SLC35D1: variants seen among roughly 807,000 people sequenced by gnomAD.
SLC35D1 encodes the protein solute carrier family 35 member D1.
Under a neutral mutation model 46.7 loss-of-function variants are expected in SLC35D1, and 31 were observed. That is an observed-to-expected ratio of 0.66 (90% CI 0.50 to 0.90). The LOEUF is 0.90. Ranked by LOEUF, SLC35D1 falls within the 40% of genes least tolerant of loss-of-function variation. SLC35D1 has a pLI of 0.00. For missense variants in SLC35D1, 397 were observed against 426.2 expected (o/e 0.93, Z 0.60); for synonymous variants, 195 against 164.6 (o/e 1.18, Z -1.41).
intron 7 of SLC35D1, among the ~76,000 whole-genome samples, chr1:67,046,860 A>G (rs1645257213): frequency 6.6e-6 from 1 of 152,186 alleles, no homozygotes; most frequent in African/African-American, 2.4e-5. Context: ...GCAAATACAT[A>G]AAGGCCATTT....
chr1:66,996,536 A>C (rs1001730626), downstream of SLC35D1, among the ~76,000 whole-genome samples: 7 of 152,110 alleles, frequency 4.6e-5, no homozygotes, highest in Non-Finnish European at 5.9e-5. Context: ...TCTGAGCTTC[A>C]CCTGTAGATG....
In SLC35D1 at chr1:67,053,069, G is replaced by A; in HGVS notation, c.204-80C>T. On this transcript the variant is annotated intron_variant, in intron 1 of 11. Transcript: ENST00000235345. ...TGAATTCAATTTGCACATCGGCAAC[G>A]TTAATAAGGCATTCCGATACAAGCC... 6.7e-6 allele frequency: 10 copies of A among 1,484,704 alleles called. 1 individual carries two copies. The South Asian group carries it at 1.2e-4, about 17-fold the overall frequency. 92.0% of individuals were successfully genotyped at this position (1,484,704 alleles called of 1,614,324 possible).
In SLC35D1 at chr1:67,003,893, A is replaced by C. The variant is rs1259056979; in HGVS notation, c.*447T>G. ...AATCATAAGAAATAAGATTCAAAGA[A>C]GAGAAATTTCACATATTCGTCTGCA... On this transcript the variant is annotated 3_prime_UTR_variant, in exon 12 of 12. Transcript: ENST00000235345. The C allele has an allele frequency of 4.9e-6, 1 of 205,944 alleles. No individual in the cohort carries two copies. The highest frequency in any genetic ancestry group is 1.2e-4 in the East Asian group (1 of 8,284). 12.8% of individuals were successfully genotyped at this position (205,944 alleles called of 1,614,324 possible).
Position 67,000,388 on chromosome 1 carries a change from T to C in SLC35D1, c.*3952A>G, listed in dbSNP as rs1266367528. 1 of 152,208 alleles carries C rather than the reference T, an allele frequency of 6.6e-6. No individual in the cohort carries two copies. The highest frequency in any genetic ancestry group is 1.5e-5 in the Non-Finnish European group (1 of 68,008). 9.4% of individuals were successfully genotyped at this position (152,208 alleles called of 1,614,324 possible). A position where few individuals can be genotyped will look rare whatever the true frequency, so the allele number is the denominator to read the frequency against. Reference sequence around the variant, plus strand: ...TCACAATATAAAAGAAATTTTGTTCTTTTTAAAAAATAGGTAGAATCACCT... The same window carrying C: ...TCACAATATAAAAGAAATTTTGTTCCTTTTAAAAAATAGGTAGAATCACCT... On this transcript the variant is annotated 3_prime_UTR_variant, in exon 12 of 12. Coordinates refer to ENST00000235345, the MANE Select transcript of SLC35D1 (RefSeq NM_015139.3).
intron 10 of SLC35D1, among the ~76,000 whole-genome samples, chr1:67,020,051 G>A (rs145465868): frequency 6.6e-6 from 1 of 152,274 alleles, no homozygotes; most frequent in Non-Finnish European, 1.5e-5. Context: ...CTCATTAGGG[G>A]TTAAAGGGAC....
Position 67,036,803 on chromosome 1 carries a change from G to C in SLC35D1, c.729+5433C>G, listed in dbSNP as rs554222332. Among the ~76,000 whole-genome samples, 3 of 151,344 alleles carry C rather than the reference G, an allele frequency of 2.0e-5. No individual in the cohort carries two copies. In the East Asian group the frequency reaches 5.9e-4, roughly 30 times the overall value. On this transcript the variant is annotated intron_variant, in intron 8 of 11. Coordinates refer to ENST00000235345, the MANE Select transcript of SLC35D1 (RefSeq NM_015139.3). ...TTACATTCAATATTATTACTGTTAA[G>C]TAAGGATTTGCTCCTGCCCACTTTG...
chr1:66,995,433 T>TAAAAAAAAAAAAAAAAAAAAAAAAC (rs1667228219), downstream of SLC35D1, among the ~76,000 whole-genome samples: 1 of 35,758 alleles, frequency 2.8e-5, no homozygotes. Flanking sequence ...CCTGCTACGC[T>TAAAAAAAAAAAAAAAAAAAAAAAAC]AAAAAAAAAA....
downstream of SLC35D1, among the ~76,000 whole-genome samples, chr1:66,995,144 C>A (rs80002042): frequency 2.1e-3 from 321 of 152,190 alleles, no homozygotes; most frequent in African/African-American, 7.5e-3. Flanking sequence ...CAGTCATCCA[C>A]GCAGCAATCC....
rs1297360424 is a variant in SLC35D1, at chr1:67,053,824, G to C, written c.190C>G (p.Leu64Val). ...FLIVVVNKSV[L>V]TNYRFPSSLC... ...CCTCGGCCCTACCTGTAATTGGTGA[G>C]CACGCTCTTATTCACCACCACGATC... is the stretch of plus-strand genomic sequence containing the variant. The change falls in exon 1 of 12, where the codon CTC (leucine) becomes GTC (valine). Residue 64 changes from leucine to valine, a missense_variant. Coordinates refer to ENST00000235345, the MANE Select transcript of SLC35D1 (RefSeq NM_015139.3). 5.0e-6 allele frequency: 8 copies of C among 1,611,362 alleles called. No individual in the cohort carries two copies. In the South Asian group the frequency reaches 6.6e-5, roughly 13 times the overall value.
chr1:67,052,622 T>G, intron 3 of SLC35D1, 149 bp downstream of exon 3: 1 of 724,462 alleles, frequency 1.4e-6, no homozygotes, highest in Non-Finnish European at 2.3e-6. Flanking sequence ...TTGACACATA[T>G]TACTACTTTT....
intron 7 of SLC35D1, among the ~76,000 whole-genome samples, chr1:67,043,303 C>T (rs1169412562): frequency 6.6e-6 from 1 of 151,924 alleles, no homozygotes; most frequent in African/African-American, 2.4e-5. Context: ...GAGTTCAAGG[C>T]TGCAGTGAGC....
intron 3 of SLC35D1, 31 bp from the exon 4 acceptor site, chr1:67,052,110 C>T (rs766208462): frequency 1.4e-6 from 2 of 1,426,564 alleles, no homozygotes. Flanking sequence ...TAACAAAACT[C>T]AATAATAAAG....
intron 8 of SLC35D1, among the ~76,000 whole-genome samples, chr1:67,024,007 C>T (rs1272697980): frequency 1.3e-5 from 2 of 150,602 alleles, no homozygotes; most frequent in South Asian, 2.1e-4. Context: ...TGCAGTGGCA[C>T]GAACTCGGCT....
rs772747267 is a variant in SLC35D1, at chr1:67,018,951, CA to C, written c.876+1417del. 2.0e-5 allele frequency among the ~76,000 whole-genome samples: 3 copies of C among 152,278 alleles called. No individual in the cohort carries two copies. In the South Asian group the frequency reaches 6.2e-4, roughly 32 times the overall value. On this transcript the variant is annotated intron_variant, in intron 10 of 11. Coordinates refer to ENST00000235345, the MANE Select transcript of SLC35D1 (RefSeq NM_015139.3). ...CAAGAACAGTAGTGAACTAATCAGA[CA>C]ATTCAGTTTTTGCCTCCCTGTGGAG...
intron 11 of SLC35D1, among the ~76,000 whole-genome samples, chr1:67,004,732 A>G (rs1181160544): frequency 2.6e-5 from 4 of 152,238 alleles, no homozygotes; most frequent in African/African-American, 9.6e-5. Flanking sequence ...ATGAGTATGT[A>G]TATCAATATG....
chr1:66,998,746 C>T (rs1221313776), downstream of SLC35D1, among the ~76,000 whole-genome samples: 1 of 152,120 alleles, frequency 6.6e-6, no homozygotes, highest in African/African-American at 2.4e-5. Context: ...CACAAAAAGA[C>T]AAATATGGTA....
intron 10 of SLC35D1, among the ~76,000 whole-genome samples, chr1:67,011,788 C>T (rs1667571238): frequency 6.6e-6 from 1 of 152,140 alleles, no homozygotes; most frequent in African/African-American, 2.4e-5. Context: ...CCCACCCATA[C>T]AGCCACAGAG....
chr1:67,014,529 T>C (rs997502116), intron 10 of SLC35D1, among the ~76,000 whole-genome samples: 1 of 152,058 alleles, frequency 6.6e-6, no homozygotes, highest in Non-Finnish European at 1.5e-5. Flanking sequence ...GTCTACATAA[T>C]ATCAAATTAA....
intron 8 of SLC35D1, among the ~76,000 whole-genome samples, chr1:67,023,907 T>C (rs1667863698): frequency 6.6e-6 from 1 of 151,864 alleles, no homozygotes; most frequent in Admixed American, 6.6e-5. Context: ...ATACATAAAA[T>C]ACAAATATTT....
Sources: gnomAD v4.1 joint callset for allele counts (sites outside exome capture counted in the v4.1 genomes callset) on GRCh38, gnomAD v4.1.1 for gene constraint, MANE v1.5 for transcripts, NCBI Gene and HGNC (gene_info 2026-07-23, HGNC 2026-07-21) for gene names.